CFAP47: variants seen among roughly 807,000 people sequenced by gnomAD.
CFAP47 encodes cilia- and flagella-associated protein 47.
In CFAP47, 29 loss-of-function variants were observed where a neutral mutation model predicts 148.1. The observed-to-expected ratio is 0.20, with a 90% CI of 0.15 to 0.27. The LOEUF (loss-of-function observed/expected upper bound fraction) is 0.27. CFAP47 is among the 10% of genes least tolerant of loss of function. CFAP47 has a pLI of 1.00. For synonymous variants in CFAP47, 664 were observed against 577.3 expected (o/e 1.15, Z -2.15); for missense variants, 1,872 against 1,697.5 (o/e 1.10, Z -1.81).
rs539676771 is a variant in CFAP47, at chrX:35,957,960, G to T, written c.1410+1764G>T. The stretch of plus-strand genomic sequence containing the variant: ...ATTCAGTGATATTAATATGTTCAGA[G>T]ATTGCACACATCAGCACTAATTCCA... On this transcript the variant is annotated intron_variant, in intron 8 of 63. Coordinates refer to ENST00000378653, the MANE Select transcript of CFAP47 (RefSeq NM_001304548.2). Among the ~76,000 whole-genome samples the T allele has an allele frequency of 3.7e-4, 41 of 111,399 alleles. No homozygotes were observed. The South Asian group carries it at 0.015, about 42-fold the overall frequency.
chrX:35,964,280 C>G (rs978162922), intron 8 of CFAP47, among the ~76,000 whole-genome samples: 3 of 111,495 alleles, frequency 2.7e-5, no homozygotes, highest in African/African-American at 9.7e-5. Flanking sequence ...TTGGAACACA[C>G]CTCTCCACTG....
intron 48 of CFAP47, among the ~76,000 whole-genome samples, chrX:36,247,917 A>C (rs1257211701): frequency 1.8e-5 from 2 of 111,050 alleles, no homozygotes; most frequent in Non-Finnish European, 3.8e-5. Flanking sequence ...CCCATTTTAA[A>C]TAAAATGACA....
intron 26 of CFAP47, 38 bp from the exon 27 acceptor site, chrX:36,065,605 A>G (rs1937630644): frequency 1.1e-6 from 1 of 874,306 alleles, no homozygotes; most frequent in Non-Finnish European, 1.7e-6. Context: ...TGCATCTGAA[A>G]TTTTTATTGT....
At chrX:36,297,776 C>T (rs1228607710) in intron 51 of CFAP47, among the ~76,000 whole-genome samples, 1 of 112,086 alleles carries the variant, frequency 8.9e-6, no homozygotes, top group Non-Finnish European at 1.9e-5. Flanking sequence ...ATTGTCCCTG[C>T]TACTTGATGC....
intron 40 of CFAP47, among the ~76,000 whole-genome samples, chrX:36,181,421 A>T (rs1167089747): frequency 1.8e-5 from 2 of 111,485 alleles, no homozygotes; most frequent in Admixed American, 1.9e-4. Context: ...TTACAATTTA[A>T]TTTTTCCAGG....
chrX:36,371,757 CAT>C (rs202020637), intron 62 of CFAP47, among the ~76,000 whole-genome samples: 1,934 of 46,081 alleles, frequency 0.042, 152 homozygotes, highest in Admixed American at 0.056. Context: ...TATATACACA[CAT>C]GTGTGTATAT....
rs1569332965 is a variant in CFAP47 at position 36,382,454 on chromosome X, A to G, written c.9355-2343A>G. On this transcript the variant is annotated intron_variant, in intron 63 of 63. Transcript: ENST00000378653. ...CTATGAAGTTTCACACATATTTTAT[A>G]GTAAGGACTTTTAGGCTAAAGACAA... is the stretch of plus-strand genomic sequence containing the variant. 2.7e-5 allele frequency among the ~76,000 whole-genome samples: 3 copies of G among 111,680 alleles called. No homozygotes were observed. The East Asian group carries it at 8.5e-4, about 32-fold the overall frequency.
At chrX:36,371,501 A>G (rs782438947) in intron 62 of CFAP47, among the ~76,000 whole-genome samples, 1 of 106,071 alleles carries the variant, frequency 9.4e-6, no homozygotes, top group Non-Finnish European at 2.0e-5. Context: ...GGGTGTGTGT[A>G]TATATATGTG....
intron 2 of CFAP47, among the ~76,000 whole-genome samples, chrX:35,931,835 A>G (rs1330840803): frequency 9.0e-6 from 1 of 111,454 alleles, no homozygotes; most frequent in Non-Finnish European, 1.9e-5. Flanking sequence ...CTACTTTTAA[A>G]TATTACTGTC....
At chrX:36,172,304 T>G (rs1217233036) in intron 39 of CFAP47, among the ~76,000 whole-genome samples, 1 of 105,361 alleles carries the variant, frequency 9.5e-6, no homozygotes, top group African/African-American at 3.5e-5. Flanking sequence ...TTCTCCTGCC[T>G]GACTGCCCTG....
chrX:36,136,974 A>G (rs1939056075), intron 33 of CFAP47, among the ~76,000 whole-genome samples: 1 of 111,632 alleles, frequency 9.0e-6, no homozygotes, highest in African/African-American at 3.3e-5. Flanking sequence ...TAGAAATCCT[A>G]TAGAAATGTT....
chrX:36,251,627 G>T (rs1940693967), intron 49 of CFAP47, among the ~76,000 whole-genome samples, 183 bp downstream of exon 49: 2 of 111,195 alleles, frequency 1.8e-5, no homozygotes, highest in Admixed American at 1.9e-4. Context: ...TACATTTTAT[G>T]TCTAGTGCTA....
rs34238002 is a variant in CFAP47 at position 35,936,443 on chromosome X, A to AT, written c.402-4824dup. 8.4e-3 allele frequency among the ~76,000 whole-genome samples: 784 copies of AT among 92,974 alleles called. 5 individuals carry two copies. Among genetic ancestry groups the AT allele is most frequent in the Middle Eastern group, 0.046 (8 of 173 alleles). The allele number at this position is 92,974 out of a possible 115,157, so 80.7% of individuals were successfully genotyped here. ...AAAACTTGAAATTGCTTGTTGCAGC[A>AT]TTTTTTTTTTTTTTTTGGCAGTTGC... On this transcript the variant is annotated intron_variant, in intron 2 of 63. Coordinates refer to ENST00000378653, the MANE Select transcript of CFAP47 (RefSeq NM_001304548.2).
intron 58 of CFAP47, among the ~76,000 whole-genome samples, chrX:36,348,499 A>C (rs189663128): frequency 3.7e-4 from 41 of 110,775 alleles, no homozygotes; most frequent in African/African-American, 1.2e-3. Context: ...ATATATATAT[A>C]TCTCTAATGG....
chrX:36,092,514 T>C (rs1938203353), intron 30 of CFAP47, among the ~76,000 whole-genome samples: 1 of 111,614 alleles, frequency 9.0e-6, no homozygotes, highest in African/African-American at 3.2e-5. Context: ...TAGCTGATTA[T>C]AGGTCTAAGT....
chrX:36,208,252 A>T (rs782497192), intron 45 of CFAP47, among the ~76,000 whole-genome samples: 8 of 111,866 alleles, frequency 7.2e-5, no homozygotes, highest in Non-Finnish European at 1.5e-4. Flanking sequence ...TAAATCATCC[A>T]TGACAACTTT....
chrX:35,947,177 T>A (rs1423816481), intron 3 of CFAP47, among the ~76,000 whole-genome samples: 1 of 111,530 alleles, frequency 9.0e-6, no homozygotes, highest in Non-Finnish European at 1.9e-5. Flanking sequence ...TAGTTATTGC[T>A]ATATAACAAA....
intron 21 of CFAP47, among the ~76,000 whole-genome samples, chrX:36,006,698 T>C (rs1363477324): frequency 8.9e-6 from 1 of 111,994 alleles, no homozygotes. Context: ...GTGCTAGTAG[T>C]CAAATGCAGT....
intron 22 of CFAP47, among the ~76,000 whole-genome samples, chrX:36,030,283 T>A (rs950467058): frequency 9.0e-6 from 1 of 111,725 alleles, no homozygotes; most frequent in East Asian, 2.8e-4. Flanking sequence ...GTATAACTTA[T>A]TTGTTTTAAT....
Sources: allele counts gnomAD v4.1 joint callset (sites outside exome capture counted in the v4.1 genomes callset), GRCh38; gene constraint gnomAD v4.1.1; transcripts MANE v1.5; gene names NCBI Gene and HGNC (gene_info 2026-07-23, HGNC 2026-07-21).